The following FARP1 variants were observed in gnomAD, a reference collection of about 807,000 sequenced individuals.
The protein encoded by FARP1 is FERM, ARHGEF and pleckstrin domain-containing protein 1.
In FARP1, 52 loss-of-function variants were observed where a neutral mutation model predicts 128.8. The observed-to-expected ratio is 0.40, with a 90% CI of 0.32 to 0.51. The LOEUF is 0.51. FARP1 is among the 20% of genes least tolerant of loss of function. The pLI is 0.45. For missense variants in FARP1, 1,333 were observed against 1,367.9 expected (o/e 0.97, Z 0.40); for synonymous variants, 580 against 551.8 (o/e 1.05, Z -0.72).
chr13:98,148,331 TTACGCCATTGTACTCC>T (rs1875727589), intron 1 of FARP1, among the ~76,000 whole-genome samples: 1 of 152,154 alleles, frequency 6.6e-6, no homozygotes, highest in Admixed American at 6.5e-5. Context: ...TGAGCTGAGA[TTACGCCATTGTACTCC>T]AGCCTGGGCA....
In FARP1 at chr13:98,412,014, T is replaced by C; in HGVS notation, c.1806T>C (p.Ile602=). ...TTCATACTAATTTTCTCAAGGAAAT[T>C]GAGCAACGACTTGCCCTGTGGTGAG... The part of the protein sequence containing the change: ...HKFHTNFLKE[I]EQRLALWEGR... The change falls in exon 16 of 27, where the codon ATT becomes ATC. Residue 602 remains isoleucine (I), a synonymous_variant. Coordinates refer to ENST00000319562, the MANE Select transcript of FARP1 (RefSeq NM_005766.4). The C allele has an allele frequency of 6.2e-7, 1 of 1,614,174 alleles. No individual in the cohort carries two copies. Among genetic ancestry groups the C allele is most frequent in the Non-Finnish European group, 8.5e-7 (1 of 1,180,000 alleles).
At chr13:98,174,181 G>A (rs1178787792) in intron 1 of FARP1, among the ~76,000 whole-genome samples, 1 of 152,208 alleles carries the variant, frequency 6.6e-6, no homozygotes, top group Non-Finnish European at 1.5e-5. Context: ...ACGCTTACTA[G>A]TGATCGCCTT....
chr13:98,290,557 G>A (rs1435427242), intron 2 of FARP1, among the ~76,000 whole-genome samples: 1 of 152,076 alleles, frequency 6.6e-6, no homozygotes, highest in Non-Finnish European at 1.5e-5. Context: ...AGGGTTGGAT[G>A]CCCAGAGAAA....
rs140180866 is a variant in FARP1, at chr13:98,191,488, A to G, written c.-23-21732A>G. 2.7e-3 allele frequency among the ~76,000 whole-genome samples: 414 copies of G among 152,326 alleles called. 3 individuals are homozygous for G. The highest frequency in any genetic ancestry group is 9.2e-3 in the African/African-American group (382 of 41,572). ...GGGGTATGAAGTATTCATCAATATG[A>G]GAGTAAATATTTGGAATATAAACCT... On this transcript the variant is annotated intron_variant, in intron 1 of 26. Coordinates refer to ENST00000319562, the MANE Select transcript of FARP1 (RefSeq NM_005766.4).
At chr13:98,270,899 G>A (rs1406154232) in intron 2 of FARP1, among the ~76,000 whole-genome samples, 1 of 152,186 alleles carries the variant, frequency 6.6e-6, no homozygotes, top group Non-Finnish European at 1.5e-5. Flanking sequence ...GGGGCCCCGA[G>A]GGCAGGCCAG....
At chr13:98,195,078 T>G (rs1879487931) in intron 1 of FARP1, among the ~76,000 whole-genome samples, 1 of 152,236 alleles carries the variant, frequency 6.6e-6, no homozygotes. Context: ...GCTTCAAGAC[T>G]GGCCCTTCTT....
intron 1 of FARP1, among the ~76,000 whole-genome samples, chr13:98,155,910 A>G (rs1346138114): frequency 6.6e-6 from 1 of 152,168 alleles, no homozygotes; most frequent in Non-Finnish European, 1.5e-5. Context: ...AAGGGGAGGC[A>G]GTTACACAAA....
Position 98,453,327 on chromosome 13 carries a change from G to T in FARP1, c.*5010G>T. The T allele has an allele frequency of 9.7e-7, 1 of 1,032,518 alleles. No homozygotes were observed. The highest frequency in any genetic ancestry group is 1.4e-6 in the Non-Finnish European group (1 of 691,630). 64.0% of individuals were successfully genotyped at this position (1,032,518 alleles called of 1,614,324 possible). A position where few individuals can be genotyped will look rare whatever the true frequency, so the allele number is the denominator to read the frequency against. On this transcript the variant is annotated 3_prime_UTR_variant, in exon 27 of 27. Coordinates refer to ENST00000319562, the MANE Select transcript of FARP1 (RefSeq NM_005766.4). ...GAAATTCCAAGTCATACAAAAATAA[G>T]TGGAGCAAATATCAATGTGTAAGTC...
chr13:98,368,607 A>G (rs1328190214), intron 5 of FARP1, among the ~76,000 whole-genome samples: 2 of 152,204 alleles, frequency 1.3e-5, no homozygotes, highest in Non-Finnish European at 2.9e-5. Context: ...GACCGCGTGG[A>G]AGAAGTGCAG....
chr13:98,160,015 T>C (rs747093248), intron 1 of FARP1, among the ~76,000 whole-genome samples: 2 of 152,256 alleles, frequency 1.3e-5, no homozygotes, highest in Non-Finnish European at 2.9e-5. Flanking sequence ...GTCATGGTCT[T>C]AAAGATGTAC....
At chr13:98,375,177 G>T (rs1889528963) in intron 5 of FARP1, among the ~76,000 whole-genome samples, 1 of 152,162 alleles carries the variant, frequency 6.6e-6, no homozygotes, top group Non-Finnish European at 1.5e-5. Context: ...ATTAGAGATT[G>T]TTCATTGGAT....
Position 98,450,543 on chromosome 13 carries a change from C to T in FARP1, c.*2226C>T, listed in dbSNP as rs895375816. On this transcript the variant is annotated 3_prime_UTR_variant, in exon 27 of 27. Transcript: ENST00000319562. ...TGGTGTCCACCTCATTGGCAGCAGC[C>T]AGCCAGGACACAGCTCAAAAACGCA... 2.0e-5 allele frequency: 3 copies of T among 152,352 alleles called. No homozygotes were observed. The highest frequency in any genetic ancestry group is 7.2e-5 in the African/African-American group (3 of 41,470). 9.4% of individuals were successfully genotyped at this position (152,352 alleles called of 1,614,324 possible). A position where few individuals can be genotyped will look rare whatever the true frequency, so the allele number is the denominator to read the frequency against.
intron 1 of FARP1, among the ~76,000 whole-genome samples, chr13:98,158,172 T>C (rs570509407): frequency 6.6e-6 from 1 of 152,230 alleles, no homozygotes; most frequent in South Asian, 2.1e-4. Flanking sequence ...TCCCACAAAT[T>C]TTTATTGCTT....
intron 2 of FARP1, among the ~76,000 whole-genome samples, chr13:98,339,658 A>T (rs1436028740): frequency 6.6e-6 from 1 of 152,200 alleles, no homozygotes; most frequent in Non-Finnish European, 1.5e-5. Flanking sequence ...TTTACAGATG[A>T]ATTTTAGAAG....
rs185765267 is a variant in FARP1, at chr13:98,175,645, A to C, written c.-24+32153A>C. On this transcript the variant is annotated intron_variant, in intron 1 of 26. Coordinates refer to ENST00000319562, the MANE Select transcript of FARP1 (RefSeq NM_005766.4). ...GAGCTTTATAACTTTTTCATTTAGC[A>C]AAACTCAAGCTCTGTACCCATTAAA... is the stretch of plus-strand genomic sequence containing the variant. 2.9e-3 allele frequency: 452 copies of C among 153,442 alleles called. 2 individuals are homozygous for C. The highest frequency in any genetic ancestry group is 4.7e-3 in the Non-Finnish European group (324 of 68,970). The allele number at this position is 153,442 out of a possible 1,614,324, so 9.5% of individuals were successfully genotyped here.
chr13:98,258,760 A>T (rs974488574), intron 2 of FARP1, among the ~76,000 whole-genome samples: 1 of 152,130 alleles, frequency 6.6e-6, no homozygotes, highest in South Asian at 2.1e-4. Flanking sequence ...TCTGCCTGAC[A>T]TCTAATTTCT....
intron 2 of FARP1, among the ~76,000 whole-genome samples, chr13:98,220,869 A>T (rs1163200705): frequency 6.6e-6 from 1 of 152,218 alleles, no homozygotes; most frequent in African/African-American, 2.4e-5. Flanking sequence ...CCTGAAAAAA[A>T]AAACCAGTAT....
chr13:98,435,567 C>A lies in FARP1; in HGVS notation c.2144-9C>A, dbSNP rs753083278. On this transcript the variant is annotated splice_polypyrimidine_tract_variant and intron_variant, in intron 18 of 26. Coordinates refer to ENST00000319562, the MANE Select transcript of FARP1 (RefSeq NM_005766.4). ...CCCGCTGCAGACTGTGTATGTCTTT[C>A]CTTCACAGCCGCTTTGGCAGAGATC... 1 of 1,605,580 alleles carries A rather than the reference C, an allele frequency of 6.2e-7. No individual in the cohort carries two copies. The highest frequency in any genetic ancestry group is 8.5e-7 in the Non-Finnish European group (1 of 1,175,250).
chr13:98,416,278 T>C (rs556128417), intron 16 of FARP1, among the ~76,000 whole-genome samples: 5 of 152,330 alleles, frequency 3.3e-5, no homozygotes, highest in Non-Finnish European at 7.3e-5. Context: ...AAGTATAATA[T>C]GCAGCAAAAG....
Sources: gnomAD v4.1 joint callset for allele counts (sites outside exome capture counted in the v4.1 genomes callset) on GRCh38, gnomAD v4.1.1 for gene constraint, MANE v1.5 for transcripts, NCBI Gene and HGNC (gene_info 2026-07-23, HGNC 2026-07-21) for gene names.